Variants in NUMB observed in about 807,000 individuals in gnomAD.
The protein encoded by NUMB is protein numb homolog.
Under a neutral mutation model 59.7 loss-of-function variants are expected in NUMB, and 29 were observed. The observed-to-expected ratio is 0.49, with a 90% CI of 0.36 to 0.66. The LOEUF (loss-of-function observed/expected upper bound fraction) is 0.66, where lower values mean the gene tolerates loss of function less well. NUMB is among the 30% of genes least tolerant of loss of function. The pLI, the probability that NUMB is intolerant of heterozygous loss-of-function variation, is 0.00. For missense variants in NUMB, 723 were observed against 822.0 expected (o/e 0.88, Z 1.47); for synonymous variants, 288 against 288.2 (o/e 1.00, Z 0.01).
Position 73,308,086 on chromosome 14 carries a change from G to C in NUMB, c.234+8304C>G, listed in dbSNP as rs142296647. Among the ~76,000 whole-genome samples, 1,034 of 152,244 alleles carry C rather than the reference G, an allele frequency of 6.8e-3. 4 individuals carry two copies. The highest frequency in any genetic ancestry group is 0.03 in the South Asian group (144 of 4,824). On this transcript the variant is annotated intron_variant, in intron 6 of 12. Coordinates refer to ENST00000555238, the MANE Select transcript of NUMB (RefSeq NM_001005743.2). ...GTTGATCTCTCAAGAGGGGATGGCA[G>C]GAGGACAATAATGAAAGCAGGGGTA...
intron 1 of NUMB, among the ~76,000 whole-genome samples, chr14:73,415,711 C>T (rs1035766127): frequency 6.6e-6 from 1 of 152,128 alleles, no homozygotes; most frequent in Non-Finnish European, 1.5e-5. Context: ...AAGTGATCTG[C>T]CCTCCTCAGC....
At chr14:73,400,511 T>C (rs1039275307) in intron 2 of NUMB, among the ~76,000 whole-genome samples, 1 of 152,206 alleles carries the variant, frequency 6.6e-6, no homozygotes, top group Non-Finnish European at 1.5e-5. Context: ...TCCTGACATA[T>C]ACCTCATAAA....
chr14:73,425,106 G>T (rs749284347), intron 1 of NUMB, among the ~76,000 whole-genome samples: 1 of 152,012 alleles, frequency 6.6e-6, no homozygotes, highest in Non-Finnish European at 1.5e-5. Flanking sequence ...CCTTTTTCCT[G>T]ACTTAAAATT....
Position 73,352,453 on chromosome 14 carries a change from CACACAT to C in NUMB, c.126+3167_126+3172del, listed in dbSNP as rs199743473. Among the ~76,000 whole-genome samples the C allele has an allele frequency of 2.1e-4, 5 of 23,676 alleles. 1 individual carries two copies. Among genetic ancestry groups the C allele is most frequent in the Admixed American group, 9.0e-4 (2 of 2,222 alleles). 15.5% of individuals were successfully genotyped at this position (23,676 alleles called of 152,430 possible). ...ATATATACACACACACACACACACA[CACACAT>C]ACACACACACACACACACATATATA... is the stretch of plus-strand genomic sequence containing the variant. On this transcript the variant is annotated intron_variant, in intron 4 of 12. Coordinates refer to ENST00000555238, the MANE Select transcript of NUMB (RefSeq NM_001005743.2).
intron 1 of NUMB, among the ~76,000 whole-genome samples, chr14:73,413,556 G>C (rs76751298): frequency 1.3e-5 from 2 of 150,928 alleles, no homozygotes; most frequent in East Asian, 4.0e-4. Flanking sequence ...TCAGGAGTTC[G>C]AGACCAGCCT....
At chr14:73,344,104 TTATC>T (rs1324713131) in intron 4 of NUMB, among the ~76,000 whole-genome samples, 1 of 152,206 alleles carries the variant, frequency 6.6e-6, no homozygotes, top group African/African-American at 2.4e-5. Context: ...ATTACCAACT[TTATC>T]TATGTTTTCA....
chr14:73,314,048 G>A (rs183220983), intron 6 of NUMB, among the ~76,000 whole-genome samples: 106 of 152,084 alleles, frequency 7.0e-4, no homozygotes, highest in Middle Eastern at 6.8e-3. Context: ...TAAAAAAGAC[G>A]ATTATTTAAA....
At chr14:73,352,627 C>T (rs1426398502) in intron 4 of NUMB, among the ~76,000 whole-genome samples, 2 of 144,822 alleles carry the variant, frequency 1.4e-5, no homozygotes, top group African/African-American at 5.0e-5. Context: ...CTTCGCCTCC[C>T]TGGTTCACGC....
At chr14:73,280,877 A>T (rs1280653751) in intron 11 of NUMB, among the ~76,000 whole-genome samples, 2 of 151,696 alleles carry the variant, frequency 1.3e-5, no homozygotes, top group Non-Finnish European at 1.5e-5. Flanking sequence ...TATTTTTAGT[A>T]GAGACGAGGT....
At chr14:73,329,320 C>T (rs1263680180) in intron 4 of NUMB, among the ~76,000 whole-genome samples, 1 of 152,136 alleles carries the variant, frequency 6.6e-6, no homozygotes, top group Non-Finnish European at 1.5e-5. Flanking sequence ...TTGTAAGTGC[C>T]ACAATGGTAG....
At chr14:73,322,547 A>T (rs1656338567) in intron 5 of NUMB, among the ~76,000 whole-genome samples, 1 of 152,184 alleles carries the variant, frequency 6.6e-6, no homozygotes, top group African/African-American at 2.4e-5. Context: ...CTCACCAGGC[A>T]TCAACACAGA....
chr14:73,408,759 C>T (rs56268065), intron 2 of NUMB, among the ~76,000 whole-genome samples: 7,812 of 151,890 alleles, frequency 0.051, 651 homozygotes, highest in African/African-American at 0.18. Context: ...AGCCTGGAAT[C>T]CCAGCTACTC....
chr14:73,287,688 T>C (rs985734679), intron 8 of NUMB, among the ~76,000 whole-genome samples: 19 of 152,294 alleles, frequency 1.2e-4, no homozygotes, highest in African/African-American at 4.1e-4. Flanking sequence ...CAAATGTCTG[T>C]TTTTATGAAA....
Position 73,418,388 on chromosome 14 carries a change from T to C in NUMB, c.-232-8320A>G, listed in dbSNP as rs145454878. Among the ~76,000 whole-genome samples the C allele has an allele frequency of 2.4e-3, 369 of 152,268 alleles. 1 individual carries two copies. The highest frequency in any genetic ancestry group is 6.0e-4 in the Non-Finnish European group (41 of 68,014). ...CCCGTGCCCATTTCAGTTTGTAAAA[T>C]AGAAAAGTTCTGGGATGTACAGTGG... On this transcript the variant is annotated intron_variant, in intron 1 of 12. Coordinates refer to ENST00000555238, the MANE Select transcript of NUMB (RefSeq NM_001005743.2).
chr14:73,307,634 G>T lies in NUMB; in HGVS notation c.234+8756C>A, dbSNP rs1890525807. Reference sequence around the variant, plus strand: ...AAAAAGAGGGGATTCATATGCAATGGCCTACAAGGCCTAAAAGACTGGCTT... The same window carrying T: ...AAAAAGAGGGGATTCATATGCAATGTCCTACAAGGCCTAAAAGACTGGCTT... On this transcript the variant is annotated intron_variant, in intron 6 of 12. Transcript: ENST00000555238. 2.0e-5 allele frequency among the ~76,000 whole-genome samples: 3 copies of T among 151,992 alleles called. No homozygotes were observed. In the South Asian group the frequency reaches 6.2e-4, roughly 31 times the overall value.
At chr14:73,443,775 C>T (rs116648839) in intron 1 of NUMB, among the ~76,000 whole-genome samples, 159 of 151,682 alleles carry the variant, frequency 1.0e-3, no homozygotes, top group African/African-American at 3.6e-3. Context: ...CACAGCCTCC[C>T]GAGTGGCTGG....
At chr14:73,380,131 G>T (rs913028957) in intron 2 of NUMB, among the ~76,000 whole-genome samples, 2 of 152,168 alleles carry the variant, frequency 1.3e-5, no homozygotes, top group Non-Finnish European at 2.9e-5. Context: ...AGGAGAAACC[G>T]CATCTGAAGC....
chr14:73,366,930 T>C lies in NUMB; in HGVS notation c.-49A>G, dbSNP rs1196275296. The C allele has an allele frequency of 1.3e-5, 2 of 152,190 alleles. No homozygotes were observed. Among genetic ancestry groups the C allele is most frequent in the Non-Finnish European group, 2.9e-5 (2 of 68,050 alleles). The allele number at this position is 152,190 out of a possible 1,614,324, so 9.4% of individuals were successfully genotyped here. A position where few individuals can be genotyped will look rare whatever the true frequency, so the allele number is the denominator to read the frequency against. ...GAATCTTGGCTGTGCCCTTTACAAG[T>C]TGTGTGATTTTGGACAAGTTTCGTA... On this transcript the variant is annotated 5_prime_UTR_variant, in exon 3 of 13. Transcript: ENST00000555238.
At chr14:73,334,841 C>A (rs1465745084) in intron 4 of NUMB, among the ~76,000 whole-genome samples, 1 of 150,292 alleles carries the variant, frequency 6.7e-6, no homozygotes, top group African/African-American at 2.5e-5. Context: ...CTCAGCTACT[C>A]GGGAAGCTAA....
Sources: gnomAD v4.1 joint callset for allele counts (sites outside exome capture counted in the v4.1 genomes callset) on GRCh38, gnomAD v4.1.1 for gene constraint, MANE v1.5 for transcripts, NCBI Gene and HGNC (gene_info 2026-07-23, HGNC 2026-07-21) for gene names.